The following ANTXR1 variants were observed in gnomAD, a reference collection of about 807,000 sequenced individuals.
ANTXR1 encodes anthrax toxin receptor 1.
ANTXR1 carries 19 observed loss-of-function variants against 78.1 expected under a neutral mutation model. The ratio of observed to expected loss-of-function variants is 0.24; its 90% CI spans 0.17 to 0.36. ANTXR1 has a LOEUF of 0.36. Ranked by LOEUF, ANTXR1 falls within the 10% of genes least tolerant of loss-of-function variation. ANTXR1 has a pLI of 1.00. For synonymous variants in ANTXR1, 273 were observed against 260.5 expected (o/e 1.05, Z -0.46); for missense variants, 518 against 718.6 (o/e 0.72, Z 3.19).
chr2:69,210,343 C>T (rs4384823), intron 17 of ANTXR1, among the ~76,000 whole-genome samples: 52,188 of 152,134 alleles, frequency 0.34, 10,385 homozygotes, highest in East Asian at 0.68. Context: ...TAGCTGTTAG[C>T]GTCTTAATTG....
rs76819343 is a variant in ANTXR1 at position 69,220,493 on chromosome 2, C to A, written c.1435-24732C>A. Among the ~76,000 whole-genome samples the A allele has an allele frequency of 8.8e-3, 1,333 of 152,238 alleles. 36 individuals carry two copies. In the East Asian group the frequency reaches 0.096, roughly 11 times the overall value. On this transcript the variant is annotated intron_variant, in intron 17 of 17. Coordinates refer to ENST00000303714, the MANE Select transcript of ANTXR1 (RefSeq NM_032208.3). Reference sequence around the variant, plus strand: ...TTCCCATGTATTGTCAATGGGGCAACAAGGCATTGCCCTGAAATCTCTGGG... The same window carrying A: ...TTCCCATGTATTGTCAATGGGGCAAAAAGGCATTGCCCTGAAATCTCTGGG...
At chr2:69,123,483 C>T (rs963991311) in intron 11 of ANTXR1, among the ~76,000 whole-genome samples, 2 of 152,180 alleles carry the variant, frequency 1.3e-5, no homozygotes, top group African/African-American at 4.8e-5. Flanking sequence ...CACCATTGCC[C>T]CGCTAGATAA....
intron 3 of ANTXR1, among the ~76,000 whole-genome samples, chr2:69,060,220 T>C (rs1025607217): frequency 6.6e-6 from 1 of 152,178 alleles, no homozygotes; most frequent in South Asian, 2.1e-4. Flanking sequence ...CCAGTTCAAA[T>C]CAGATGCAAT....
chr2:69,218,548 T>C (rs537967363), intron 17 of ANTXR1, among the ~76,000 whole-genome samples: 3 of 152,222 alleles, frequency 2.0e-5, no homozygotes, highest in Non-Finnish European at 4.4e-5. Context: ...CGTGGGTAGG[T>C]TAAGAGCAGA....
rs151123685 is a variant in ANTXR1 at position 69,019,692 on chromosome 2, A to C, written c.152+6041A>C. Among the ~76,000 whole-genome samples, 1,015 of 152,248 alleles carry C rather than the reference A, an allele frequency of 6.7e-3. 11 individuals carry two copies. Among genetic ancestry groups the C allele is most frequent in the African/African-American group, 0.023 (972 of 41,522 alleles). On this transcript the variant is annotated intron_variant, in intron 1 of 17. Transcript: ENST00000303714. ...ATTTCATCACCGAGGTATCAAGCCT[A>C]GTACCCATTAGTTATTTTTCCTGAT... is the stretch of plus-strand genomic sequence containing the variant.
At chr2:69,137,248 GT>G (rs1672936066) in intron 12 of ANTXR1, among the ~76,000 whole-genome samples, 1 of 151,984 alleles carries the variant, frequency 6.6e-6, no homozygotes. Context: ...TCATACCTGT[GT>G]TTTCTAATCT....
At chr2:69,138,750 T>C (rs193021223) in intron 12 of ANTXR1, among the ~76,000 whole-genome samples, 29 of 152,324 alleles carry the variant, frequency 1.9e-4, no homozygotes, top group Admixed American at 1.2e-3. Context: ...TTTTGTTTCA[T>C]TTTTTAAAAA....
chr2:69,151,123 T>C (rs1673379916), intron 12 of ANTXR1, among the ~76,000 whole-genome samples: 1 of 152,022 alleles, frequency 6.6e-6, no homozygotes, highest in African/African-American at 2.4e-5. Flanking sequence ...TCCCCAATTG[T>C]TAACCATTTA....
chr2:69,223,311 A>G (rs907805001), intron 17 of ANTXR1, among the ~76,000 whole-genome samples: 4 of 152,224 alleles, frequency 2.6e-5, no homozygotes, highest in African/African-American at 9.7e-5. Flanking sequence ...AGAATTCTAA[A>G]TTCTAAATTC....
chr2:69,200,366 C>T (rs781696155), intron 17 of ANTXR1, among the ~76,000 whole-genome samples: 26 of 152,242 alleles, frequency 1.7e-4, no homozygotes, highest in Non-Finnish European at 2.6e-4. Flanking sequence ...CCAATAAGGG[C>T]GTGAGGCCAG....
intron 17 of ANTXR1, among the ~76,000 whole-genome samples, chr2:69,240,464 G>A (rs181093447): frequency 2.6e-4 from 40 of 152,296 alleles, no homozygotes; most frequent in Admixed American, 1.7e-3. Context: ...CCATAAGCAC[G>A]CACCAGATCC....
At chr2:69,028,313 A>C (rs999762657) in intron 1 of ANTXR1, among the ~76,000 whole-genome samples, 1 of 152,226 alleles carries the variant, frequency 6.6e-6, no homozygotes, top group African/African-American at 2.4e-5. Flanking sequence ...ACAATCTTTA[A>C]AAGACAAAAG....
At chr2:69,139,832 G>A (rs1476903126) in intron 12 of ANTXR1, among the ~76,000 whole-genome samples, 1 of 152,166 alleles carries the variant, frequency 6.6e-6, no homozygotes, top group Non-Finnish European at 1.5e-5. Flanking sequence ...TTAACGGTAA[G>A]TAAACGAATC....
intron 11 of ANTXR1, 50 bp from the exon 12 acceptor site, chr2:69,124,515 T>G: frequency 5.9e-6 from 9 of 1,532,782 alleles, no homozygotes; most frequent in South Asian, 1.1e-5. Flanking sequence ...CTCAGCCTGT[T>G]GCTCATTGCA....
At chr2:69,121,348 C>A (rs2104371548) in intron 10 of ANTXR1, among the ~76,000 whole-genome samples, 1 of 152,336 alleles carries the variant, frequency 6.6e-6, no homozygotes, top group South Asian at 2.1e-4. Context: ...CTGTGTTTCT[C>A]TTCTCAAAGC....
intron 17 of ANTXR1, among the ~76,000 whole-genome samples, chr2:69,201,088 C>G (rs1482589386): frequency 2.0e-5 from 3 of 152,122 alleles, no homozygotes; most frequent in Admixed American, 2.0e-4. Context: ...AATGAATGAG[C>G]CCTGTCCCTG....
chr2:69,157,493 C>T (rs1429274036), intron 13 of ANTXR1, among the ~76,000 whole-genome samples: 2 of 152,014 alleles, frequency 1.3e-5, no homozygotes, highest in African/African-American at 2.4e-5. Flanking sequence ...CACGTTACCC[C>T]CTAAACCTGC....
intron 3 of ANTXR1, among the ~76,000 whole-genome samples, chr2:69,064,712 A>C (rs1033842163): frequency 2.0e-5 from 3 of 152,252 alleles, no homozygotes; most frequent in Non-Finnish European, 4.4e-5. Flanking sequence ...TATTAGACAA[A>C]GCTGACTTCA....
At chr2:69,075,465 G>C (rs1275092422) in intron 6 of ANTXR1, 125 bp from the exon 7 acceptor site, 7 of 914,658 alleles carry the variant, frequency 7.7e-6, no homozygotes, top group Non-Finnish European at 1.3e-5. Context: ...GCCTTCTCCA[G>C]TATGGCACCA....
Sources: allele counts gnomAD v4.1 joint callset (sites outside exome capture counted in the v4.1 genomes callset), GRCh38; gene constraint gnomAD v4.1.1; transcripts MANE v1.5; gene names NCBI Gene and HGNC (gene_info 2026-07-23, HGNC 2026-07-21).